Variants in DLG2 observed in about 807,000 individuals in gnomAD.
DLG2 encodes the protein disks large homolog 2.
A neutral mutation model predicts 132.5 loss-of-function variants in DLG2; 45 were observed. The observed-to-expected ratio is 0.34, with a 90% CI of 0.27 to 0.44. DLG2 has a LOEUF of 0.44. Among genes scored for constraint, DLG2 ranks in the 20% least tolerant of loss-of-function variants. The probability of loss-of-function intolerance (pLI) is 1.00; values close to 1 mark genes in which losing one functional copy is unlikely to be tolerated. For missense variants in DLG2, 1,045 were observed against 1,196.9 expected, an observed-to-expected ratio of 0.87 and a Z score of 1.87; for synonymous variants, 424 against 419.6, an observed-to-expected ratio of 1.01 and a Z score of -0.13.
chr11:84,102,572 T>C (rs2154183648), intron 9 of DLG2, among the ~76,000 whole-genome samples: 1 of 152,242 alleles, frequency 6.6e-6, no homozygotes, highest in Non-Finnish European at 1.5e-5. Flanking sequence ...ACTGTTCAGA[T>C]TGGAGATGCA....
At chr11:83,493,367 CCTTCCTTCCTTCCTTCCTTCCTTCCTTT>C (rs1421981407) in intron 21 of DLG2, among the ~76,000 whole-genome samples, 1 of 70,772 alleles carries the variant, frequency 1.4e-5, no homozygotes, top group African/African-American at 5.4e-5. Context: ...TTCCTTCCTT[CCTTCCTTCCTTCCTTCCTTCCTTCCTTT>C]CTCTCTCTTT....
chr11:85,562,194 G>A (rs2077289102), intron 3 of DLG2, among the ~76,000 whole-genome samples: 1 of 151,824 alleles, frequency 6.6e-6, no homozygotes, highest in South Asian at 2.1e-4. Flanking sequence ...TTGGAGTAAA[G>A]TGTAAGAGTC....
At chr11:84,771,914 A>C (rs1330456632) in intron 6 of DLG2, among the ~76,000 whole-genome samples, 1 of 152,186 alleles carries the variant, frequency 6.6e-6, no homozygotes, top group South Asian at 2.1e-4. Flanking sequence ...TAGCATTTCT[A>C]AACACAAATA....
chr11:83,595,845 T>C (rs2057488496), intron 19 of DLG2, among the ~76,000 whole-genome samples: 1 of 152,230 alleles, frequency 6.6e-6, no homozygotes. Flanking sequence ...ATCAATTTAC[T>C]GGCCCTTAAT....
At chr11:85,340,794 G>C (rs75614255) in intron 3 of DLG2, among the ~76,000 whole-genome samples, 1 of 151,930 alleles carries the variant, frequency 6.6e-6, no homozygotes, top group Non-Finnish European at 1.5e-5. Context: ...CTTTTCTTTC[G>C]TTTTCTCTAG....
chr11:85,416,628 T>C (rs1043904869), intron 3 of DLG2, among the ~76,000 whole-genome samples: 1 of 152,146 alleles, frequency 6.6e-6, no homozygotes, highest in African/African-American at 2.4e-5. Context: ...TGAGCAGTGG[T>C]TTGTAGTTCT....
chr11:84,118,125 G>C (rs576300429), intron 9 of DLG2, among the ~76,000 whole-genome samples: 1 of 152,246 alleles, frequency 6.6e-6, no homozygotes, highest in African/African-American at 2.4e-5. Flanking sequence ...CCAAAGTGCT[G>C]GGATTACAAG....
At chr11:84,443,331 C>G (rs2099023257) in intron 7 of DLG2, among the ~76,000 whole-genome samples, 1 of 126,118 alleles carries the variant, frequency 7.9e-6, no homozygotes, top group Admixed American at 7.1e-5. Context: ...GTAAAATCTC[C>G]ACCCTACCTC....
intron 6 of DLG2, among the ~76,000 whole-genome samples, chr11:85,007,664 C>CAAAAAAAA (rs57188165): frequency 3.4e-5 from 3 of 88,534 alleles, no homozygotes; most frequent in Non-Finnish European, 4.4e-5. Flanking sequence ...GACTCCGTCT[C>CAAAAAAAA]AAAAAAAAAA....
At chr11:85,260,967 T>C (rs1248440433) in intron 4 of DLG2, among the ~76,000 whole-genome samples, 2 of 152,074 alleles carry the variant, frequency 1.3e-5, no homozygotes, top group East Asian at 3.9e-4. Flanking sequence ...AATGGTAGAT[T>C]CTTTTTTTTT....
chr11:85,454,022 T>C lies in DLG2; in HGVS notation c.40+144635A>G, dbSNP rs577839927. On this transcript the variant is annotated intron_variant, in intron 3 of 27. Coordinates refer to ENST00000376104, the MANE Select transcript of DLG2 (RefSeq NM_001142699.3). ...TAGCTCTGACTTGTAAGTAAGAACATGTGGTATTTGGTTTTCTGTTCCCAG... is the reference window on the plus strand; with the variant it reads ...TAGCTCTGACTTGTAAGTAAGAACACGTGGTATTTGGTTTTCTGTTCCCAG... 5.9e-5 allele frequency among the ~76,000 whole-genome samples: 9 copies of C among 152,166 alleles called. No individual in the cohort carries two copies. In the South Asian group the frequency reaches 1.9e-3, roughly 32 times the overall value.
chr11:84,220,134 A>G (rs140545429), intron 8 of DLG2, among the ~76,000 whole-genome samples: 22 of 152,274 alleles, frequency 1.4e-4, no homozygotes, highest in Non-Finnish European at 2.8e-4. Context: ...TTATTTGTAT[A>G]TTAATGTGTT....
chr11:83,850,802 A>T (rs543576705), intron 16 of DLG2, among the ~76,000 whole-genome samples: 96 of 152,296 alleles, frequency 6.3e-4, no homozygotes, highest in African/African-American at 2.2e-3. Flanking sequence ...AGCCTTGCAC[A>T]TACAAAGCTA....
At chr11:84,991,522 AAAAAG>A (rs1445764097) in intron 6 of DLG2, among the ~76,000 whole-genome samples, 7 of 142,408 alleles carry the variant, frequency 4.9e-5, no homozygotes, top group Non-Finnish European at 1.1e-4. Flanking sequence ...AAAAAAAAAA[AAAAAG>A]AAAGAAAGAA....
At chr11:84,839,222 A>C in intron 6 of DLG2, among the ~76,000 whole-genome samples, 1 of 152,166 alleles carries the variant, frequency 6.6e-6, no homozygotes. Flanking sequence ...GAGCTGAATC[A>C]TGAGTGAATT....
rs185494413 is a variant in DLG2, at chr11:84,793,095, T to C, written c.358-258364A>G. ...TACTGCTTTCACTGTATCCCATAGG[T>C]TTTGGTATGTTGTGTTTCCATTATC... On this transcript the variant is annotated intron_variant, in intron 6 of 27. Coordinates refer to ENST00000376104, the MANE Select transcript of DLG2 (RefSeq NM_001142699.3). Among the ~76,000 whole-genome samples, 3 of 152,214 alleles carry C rather than the reference T, an allele frequency of 2.0e-5. No homozygotes were observed. In the East Asian group the frequency reaches 5.8e-4, roughly 29 times the overall value.
At chr11:84,527,057 C>A (rs1318460454) in intron 7 of DLG2, among the ~76,000 whole-genome samples, 1 of 152,064 alleles carries the variant, frequency 6.6e-6, no homozygotes, top group Non-Finnish European at 1.5e-5. Flanking sequence ...GGATTACAGG[C>A]GTGAGCCACC....
Position 84,356,736 on chromosome 11 carries a change from A to C in DLG2, c.520-105445T>G, listed in dbSNP as rs186519045. Among the ~76,000 whole-genome samples, 21 of 152,178 alleles carry C rather than the reference A, an allele frequency of 1.4e-4. No individual in the cohort carries two copies. In the East Asian group the frequency reaches 4.1e-3, roughly 29 times the overall value. On this transcript the variant is annotated intron_variant, in intron 7 of 27. Transcript: ENST00000376104. ...TCAATAACTTCTACAAAGAACGCTCAAAGGAGGATCAAGGGAAAGAGGATC... is the reference window on the plus strand; with the variant it reads ...TCAATAACTTCTACAAAGAACGCTCCAAGGAGGATCAAGGGAAAGAGGATC...
intron 4 of DLG2, among the ~76,000 whole-genome samples, chr11:85,252,331 A>G (rs535433254): frequency 6.6e-6 from 1 of 152,248 alleles, no homozygotes; most frequent in South Asian, 2.1e-4. Flanking sequence ...ATTTGTTTTA[A>G]TAGTTAGGAA....
Sources: allele counts gnomAD v4.1 joint callset (sites outside exome capture counted in the v4.1 genomes callset), GRCh38; gene constraint gnomAD v4.1.1; transcripts MANE v1.5; gene names NCBI Gene and HGNC (gene_info 2026-07-23, HGNC 2026-07-21).